Variants in MGAT4A observed in about 807,000 individuals in gnomAD.
MGAT4A encodes N-acetylglucosaminyltransferase IVa.
In MGAT4A, 33 loss-of-function variants were observed where a neutral mutation model predicts 74.1. That is an observed-to-expected ratio of 0.45 (90% CI 0.34 to 0.60). The LOEUF is 0.60. Ranked by LOEUF, MGAT4A falls within the 20% of genes least tolerant of loss-of-function variation. The pLI, the probability that MGAT4A is intolerant of heterozygous loss-of-function variation, is 0.02. For missense variants in MGAT4A, 479 were observed against 628.3 expected, an observed-to-expected ratio of 0.76 and a Z score of 2.54; for synonymous variants, 198 against 210.4, an observed-to-expected ratio of 0.94 and a Z score of 0.51.
rs1702009793 is a variant in MGAT4A at position 98,678,335 on chromosome 2, A to G, written c.231T>C (p.Asn77=). ...ACTTATTCAACGCATCCTTACTTCC[A>G]TTTGTTTCTGCTCCTACACGCTTGA... The part of the protein sequence containing the change: ...QQFKRVGAET[N]GSKDALNKFS... The change falls in exon 3 of 16, where the codon AAT becomes AAC. Residue 77 remains asparagine (N), a synonymous_variant. Transcript: ENST00000393487. 1.4e-6 allele frequency: 2 copies of G among 1,444,128 alleles called. No individual in the cohort carries two copies. Among genetic ancestry groups the G allele is most frequent in the African/African-American group, 2.8e-5 (2 of 71,174 alleles). 89.5% of individuals were successfully genotyped at this position (1,444,128 alleles called of 1,614,324 possible). A position where few individuals can be genotyped will look rare whatever the true frequency, so the allele number is the denominator to read the frequency against.
chr2:98,656,314 C>A, intron 7 of MGAT4A, 38 bp downstream of exon 7: 2 of 1,312,606 alleles, frequency 1.5e-6, no homozygotes, highest in Non-Finnish European at 1.1e-6. Context: ...AATATTTACA[C>A]TCACAAGTGT....
rs13382404 is a variant in MGAT4A, at chr2:98,727,957, G to A, written c.-235-1390C>T. Among the ~76,000 whole-genome samples, 1,144 of 152,202 alleles carry A rather than the reference G, an allele frequency of 7.5e-3. 16 individuals carry two copies. The highest frequency in any genetic ancestry group is 0.027 in the African/African-American group (1,112 of 41,516). ...CCAGAGAAAGAACTCGAATTTGTTT[G>A]TCTCCAAAGTCCAAGCTCTTAGCTG... On this transcript the variant is annotated intron_variant, in intron 1 of 15. Coordinates refer to ENST00000393487, the MANE Select transcript of MGAT4A (RefSeq NM_012214.3).
At chr2:98,698,211 T>C (rs2104310507) in intron 2 of MGAT4A, among the ~76,000 whole-genome samples, 1 of 152,208 alleles carries the variant, frequency 6.6e-6, no homozygotes, top group African/African-American at 2.4e-5. Context: ...GCCAAGAGTT[T>C]CAAGACCAGC....
intron 1 of MGAT4A, among the ~76,000 whole-genome samples, chr2:98,729,341 G>A (rs1004692362): frequency 2.0e-5 from 3 of 152,122 alleles, no homozygotes; most frequent in Admixed American, 2.0e-4. Flanking sequence ...TTAACTGCAC[G>A]GCACAAGTGA....
intron 3 of MGAT4A, among the ~76,000 whole-genome samples, chr2:98,677,143 CAGAA>C (rs1417552828): frequency 3.3e-5 from 5 of 152,130 alleles, no homozygotes; most frequent in African/African-American, 1.2e-4. Flanking sequence ...AAGAAGAGCA[CAGAA>C]AGAGAGATCA....
intron 2 of MGAT4A, among the ~76,000 whole-genome samples, chr2:98,725,360 T>C (rs924386101): frequency 1.3e-5 from 2 of 152,118 alleles, no homozygotes; most frequent in African/African-American, 4.8e-5. Context: ...TATGTATATA[T>C]AGACATGGAT....
intron 2 of MGAT4A, among the ~76,000 whole-genome samples, chr2:98,700,016 T>C (rs1217300524): frequency 2.0e-5 from 3 of 152,048 alleles, no homozygotes; most frequent in Non-Finnish European, 2.9e-5. Context: ...TCTGACGGGG[T>C]TAGTGAGTAT....
chr2:98,632,327 G>A (rs960261291), intron 14 of MGAT4A, among the ~76,000 whole-genome samples: 1 of 152,078 alleles, frequency 6.6e-6, no homozygotes, highest in Non-Finnish European at 1.5e-5. Flanking sequence ...TGAGCAGTAG[G>A]GCACCAAAGA....
intron 2 of MGAT4A, among the ~76,000 whole-genome samples, chr2:98,715,397 T>C (rs1702578900): frequency 6.8e-6 from 1 of 147,788 alleles, no homozygotes; most frequent in Admixed American, 6.8e-5. Context: ...AACTAATAAG[T>C]ACAGAATGAA....
intron 4 of MGAT4A, among the ~76,000 whole-genome samples, chr2:98,672,865 T>C (rs1701929907): frequency 6.6e-6 from 1 of 152,206 alleles, no homozygotes; most frequent in Admixed American, 6.5e-5. Context: ...AGTTATTGTG[T>C]TATGGGCAAG....
At chr2:98,675,895 T>C (rs909599294) in intron 3 of MGAT4A, among the ~76,000 whole-genome samples, 6 of 152,262 alleles carry the variant, frequency 3.9e-5, no homozygotes, top group South Asian at 2.1e-4. Flanking sequence ...AAATTTCACA[T>C]GGAAGGAATT....
Position 98,695,469 on chromosome 2 carries a change from T to G in MGAT4A, c.95-16998A>C, listed in dbSNP as rs116367647. On this transcript the variant is annotated intron_variant, in intron 2 of 15. Coordinates refer to ENST00000393487, the MANE Select transcript of MGAT4A (RefSeq NM_012214.3). Reference sequence around the variant, plus strand: ...CACACAGTGCAGGAAAAGAACGCAATGCAGCAGAAGGGGCTGAACACTAAA... The same window carrying G: ...CACACAGTGCAGGAAAAGAACGCAAGGCAGCAGAAGGGGCTGAACACTAAA... 5.9e-3 allele frequency: 1,151 copies of G among 196,176 alleles called. 11 individuals are homozygous for G. The highest frequency in any genetic ancestry group is 0.023 in the African/African-American group (982 of 42,968). 12.2% of individuals were successfully genotyped at this position (196,176 alleles called of 1,614,324 possible). A position where few individuals can be genotyped will look rare whatever the true frequency, so the allele number is the denominator to read the frequency against.
chr2:98,694,007 T>G (rs1006151840), intron 2 of MGAT4A: 1 of 153,126 alleles, frequency 6.5e-6, no homozygotes, highest in African/African-American at 2.4e-5. Context: ...TCACATTAAA[T>G]GTAAATGGTC....
intron 14 of MGAT4A, among the ~76,000 whole-genome samples, chr2:98,626,772 G>C (rs1178787738): frequency 1.3e-5 from 2 of 152,048 alleles, no homozygotes; most frequent in Non-Finnish European, 2.9e-5. Flanking sequence ...ACTTAACTGG[G>C]GTTCAAAGTT....
intron 10 of MGAT4A, 67 bp from the exon 11 acceptor site, chr2:98,640,295 T>TGAGAAGTCCTTTATTAAAATATTGAAAA: frequency 1.6e-6 from 2 of 1,269,364 alleles, no homozygotes; most frequent in Non-Finnish European, 2.2e-6. Context: ...ACCTGGAAAA[T>TGAGAAGTCCTTTATTAAAATATTGAAAA]GAGAAGTCCT....
intron 2 of MGAT4A, among the ~76,000 whole-genome samples, chr2:98,723,351 T>C (rs1702710241): frequency 6.6e-6 from 1 of 152,166 alleles, no homozygotes; most frequent in Non-Finnish European, 1.5e-5. Flanking sequence ...GGAAGACACG[T>C]ACCCCTGAAG....
chr2:98,694,809 C>T (rs56027617), intron 2 of MGAT4A: 36,110 of 152,452 alleles, frequency 0.24, 5,048 homozygotes, highest in Non-Finnish European at 0.32. Context: ...GGTGACAGAG[C>T]GAGACTCCAT....
In MGAT4A at chr2:98,619,803, A is replaced by G. The variant is rs1370342760; in HGVS notation, c.*5763T>C. The G allele has an allele frequency of 2.0e-5, 3 of 152,248 alleles. No individual in the cohort carries two copies. Among genetic ancestry groups the G allele is most frequent in the Admixed American group, 6.5e-5 (1 of 15,284 alleles). The allele number at this position is 152,248 out of a possible 1,614,324, so 9.4% of individuals were successfully genotyped here. A position where few individuals can be genotyped will look rare whatever the true frequency, so the allele number is the denominator to read the frequency against. On this transcript the variant is annotated 3_prime_UTR_variant, in exon 16 of 16. Coordinates refer to ENST00000393487, the MANE Select transcript of MGAT4A (RefSeq NM_012214.3). The stretch of plus-strand genomic sequence containing the variant: ...TTACTAATACAATGAAACAACTAGG[A>G]GCAAGTGACACATAAAATAGCCTCC...
Position 98,622,015 on chromosome 2 carries a change from T to C in MGAT4A, c.*3551A>G. The C allele has an allele frequency of 2.0e-6, 2 of 987,516 alleles. No homozygotes were observed. The highest frequency in any genetic ancestry group is 2.4e-6 in the Non-Finnish European group (2 of 831,414). 61.2% of individuals were successfully genotyped at this position (987,516 alleles called of 1,614,324 possible). ...TTTTTCCAAAGCTTTTCAATCACAC[T>C]GTCTGTTCTGACTACACAGTATGGT... is the stretch of plus-strand genomic sequence containing the variant. On this transcript the variant is annotated 3_prime_UTR_variant, in exon 16 of 16. Transcript: ENST00000393487.
Sources: gnomAD v4.1 joint callset for allele counts (sites outside exome capture counted in the v4.1 genomes callset) on GRCh38, gnomAD v4.1.1 for gene constraint, MANE v1.5 for transcripts, NCBI Gene and HGNC (gene_info 2026-07-23, HGNC 2026-07-21) for gene names.